SLC4A1: variants seen among roughly 807,000 people sequenced by gnomAD.
SLC4A1 encodes the protein solute carrier family 4 member 1 (Diego blood group).
In SLC4A1, 29 loss-of-function variants were observed where a neutral mutation model predicts 93.1. The ratio of observed to expected loss-of-function variants is 0.31; its 90% CI spans 0.23 to 0.42. The LOEUF (loss-of-function observed/expected upper bound fraction) is 0.42, where lower values mean the gene tolerates loss of function less well. Ranked by LOEUF, SLC4A1 falls within the 20% of genes least tolerant of loss-of-function variation. SLC4A1 has a pLI of 1.00. For missense variants in SLC4A1, 965 were observed against 1,190.1 expected, an observed-to-expected ratio of 0.81 and a Z score of 2.78; for synonymous variants, 469 against 497.2, an observed-to-expected ratio of 0.94 and a Z score of 0.76.
At chr17:44,254,871 A>AT (rs993171323) in intron 15 of SLC4A1, among the ~76,000 whole-genome samples, 25 of 152,192 alleles carry the variant, frequency 1.6e-4, no homozygotes, top group Admixed American at 2.0e-4. Context: ...AGGAAAGAGA[A>AT]TCAGAGAGGT....
At chr17:44,255,547 G>A in intron 14 of SLC4A1, 126 bp downstream of exon 14, 2 of 1,039,700 alleles carry the variant, frequency 1.9e-6, no homozygotes, top group Non-Finnish European at 3.0e-6. Context: ...GGCCAGGGGA[G>A]GTTGGAATTG....
Position 44,259,566 on chromosome 17 carries a change from C to T in SLC4A1, c.625G>A (p.Glu209Lys). 6.2e-7 allele frequency: 1 copy of T among 1,614,010 alleles called. No homozygotes were observed. Among genetic ancestry groups the T allele is most frequent in the East Asian group, 2.2e-5 (1 of 44,872 alleles). Residue 209 changes from glutamate (E) to lysine (K), a missense_variant, in exon 8 of 20, where the codon GAA (glutamate) becomes AAA (lysine). Coordinates refer to ENST00000262418, the MANE Select transcript of SLC4A1 (RefSeq NM_000342.4). ...LFCEQGDGGTEGHSPSGILEK... is the reference protein window; with the variant it reads ...LFCEQGDGGTKGHSPSGILEK... ...AGAATTCCAGATGGTGAGTGCCCTT[C>T]TGTGCCCCCATCTCCCTGTGGGAAG...
intron 18 of SLC4A1, 26 bp downstream of exon 18, chr17:44,251,393 T>A (rs1312593605): frequency 1.2e-6 from 2 of 1,614,088 alleles, no homozygotes; most frequent in Non-Finnish European, 1.7e-6. Context: ...CACCCCAGGC[T>A]GGGCAGCCAG....
intron 17 of SLC4A1, 67 bp from the exon 18 acceptor site, chr17:44,251,655 C>T (rs2144597565): frequency 1.4e-6 from 2 of 1,476,388 alleles, no homozygotes; most frequent in East Asian, 2.3e-5. Context: ...GGGTCAGGCC[C>T]CTATCTGGGG....
At chr17:44,267,785 G>A (rs529259432) in intron 1 of SLC4A1, among the ~76,000 whole-genome samples, 2 of 152,192 alleles carry the variant, frequency 1.3e-5, no homozygotes, top group South Asian at 4.1e-4. Flanking sequence ...CATACCTGGA[G>A]GGGATCAGAT....
Position 44,258,206 on chromosome 17 carries a change from C to A in SLC4A1, c.1088-26G>T. On this transcript the variant is annotated intron_variant, in intron 10 of 19. Coordinates refer to ENST00000262418, the MANE Select transcript of SLC4A1 (RefSeq NM_000342.4). The surrounding 1 kb of genome is among the most constrained non-coding windows in gnomAD (Gnocchi z 6.1). ...CTGTGGTGGAGGATAAGAGCATGGT[C>A]AGAGGGAGTAGCTGGAGGAGGTGAG... 6.2e-7 allele frequency: 1 copy of A among 1,609,376 alleles called. No individual in the cohort carries two copies. The highest frequency in any genetic ancestry group is 1.1e-5 in the South Asian group (1 of 90,932).
In SLC4A1 at chr17:44,259,275, G is replaced by A. The variant is rs773761086; in HGVS notation, c.764C>T (p.Ala255Val). 1.7e-5 allele frequency: 27 copies of A among 1,613,942 alleles called. No individual in the cohort carries two copies. The highest frequency in any genetic ancestry group is 2.2e-5 in the Non-Finnish European group (26 of 1,180,028). The change falls in exon 9 of 20, where the codon GCG (alanine) becomes GTG (valine). Residue 255 changes from alanine (A) to valine (V), a missense_variant. Coordinates refer to ENST00000262418, the MANE Select transcript of SLC4A1 (RefSeq NM_000342.4). Reference sequence around the variant, plus strand: ...GCGTATAGGCACCGGCAGCTCCACCGCCTCCAGCTCCGCTGCCTCCTGCAG... The same window carrying A: ...GCGTATAGGCACCGGCAGCTCCACCACCTCCAGCTCCGCTGCCTCCTGCAG... The part of the protein sequence containing the change: ...VRLQEAAELE[A>V]VELPVPIRFL...
Position 44,254,721 on chromosome 17 carries a change from G to A in SLC4A1, c.1891-59C>T, listed in dbSNP as rs1016374377. ...GGCAGGAGGATGGGGAAGGGTGGGAGCAGGAGGAGCCAGGGTCCTAGGGGT... is the reference window on the plus strand; with the variant it reads ...GGCAGGAGGATGGGGAAGGGTGGGAACAGGAGGAGCCAGGGTCCTAGGGGT... On this transcript the variant is annotated intron_variant, in intron 15 of 19. Transcript: ENST00000262418. 4 of 1,552,254 alleles carry A rather than the reference G, an allele frequency of 2.6e-6. No homozygotes were observed. The Admixed American group carries it at 5.2e-5, about 20-fold the overall frequency.
rs980614952 is a variant in SLC4A1 at position 44,249,445 on chromosome 17, C to A, written c.*1013G>T. On this transcript the variant is annotated 3_prime_UTR_variant, in exon 20 of 20. Transcript: ENST00000262418. ...AAATACGCAATTAATAAATTACAAACCCCCTCACTCTCCCGCCCCTACCTT... is the reference window on the plus strand; with the variant it reads ...AAATACGCAATTAATAAATTACAAAACCCCTCACTCTCCCGCCCCTACCTT... The A allele has an allele frequency of 1.1e-5, 3 of 273,046 alleles. No homozygotes were observed. The highest frequency in any genetic ancestry group is 2.4e-5 in the African/African-American group (1 of 42,338). The allele number at this position is 273,046 out of a possible 1,614,324, so 16.9% of individuals were successfully genotyped here.
At chr17:44,262,584 C>G (rs55657811) in intron 3 of SLC4A1, 52 bp downstream of exon 3, 346 of 1,402,720 alleles carry the variant, frequency 2.5e-4, no homozygotes, top group Admixed American at 2.8e-4. Flanking sequence ...CCCTCCTGTC[C>G]CTGTCTAGGG....
intron 3 of SLC4A1, 100 bp from the exon 4 acceptor site, chr17:44,261,736 C>T: frequency 5.6e-6 from 9 of 1,601,060 alleles, no homozygotes; most frequent in South Asian, 1.1e-5. Flanking sequence ...GGGCAGATGC[C>T]CCTCCTTCCC....
intron 3 of SLC4A1, among the ~76,000 whole-genome samples, chr17:44,262,404 C>T (rs1399811325): frequency 2.6e-5 from 4 of 152,240 alleles, no homozygotes; most frequent in Non-Finnish European, 5.9e-5. Context: ...GGCTGCCCGC[C>T]CTTCTCACAT....
At chr17:44,266,921 C>A (rs1050995462) in intron 1 of SLC4A1, among the ~76,000 whole-genome samples, 2 of 152,194 alleles carry the variant, frequency 1.3e-5, no homozygotes, top group Admixed American at 1.3e-4. Flanking sequence ...ATGGCACCAC[C>A]TTTGTGTAAT....
chr17:44,267,119 T>A (rs2047502010), intron 1 of SLC4A1, among the ~76,000 whole-genome samples: 1 of 152,196 alleles, frequency 6.6e-6, no homozygotes, highest in African/African-American at 2.4e-5. Context: ...AGAGCCAGGT[T>A]ACAGCCTGGA....
At chr17:44,260,576 C>T in intron 5 of SLC4A1, 37 bp from the exon 6 acceptor site, 1 of 1,614,156 alleles carries the variant, frequency 6.2e-7, no homozygotes, top group Non-Finnish European at 8.5e-7. Flanking sequence ...TAGGCTGGGC[C>T]ACAGCACCCC....
chr17:44,257,773 C>T lies in SLC4A1; in HGVS notation c.1317G>A (p.Glu439=), dbSNP rs1287703923. The T allele has an allele frequency of 3.1e-6, 5 of 1,613,888 alleles. No homozygotes were observed. The highest frequency in any genetic ancestry group is 4.2e-6 in the Non-Finnish European group (5 of 1,180,050). ...CCTGCACTGCAGTGGAGATCAGCAGCTCCGACACTCCCATCTGGTTCCGGG... is the reference window on the plus strand; with the variant it reads ...CCTGCACTGCAGTGGAGATCAGCAGTTCCGACACTCCCATCTGGTTCCGGG... ...EKTRNQMGVS[E]LLISTAVQGI... The change falls in exon 12 of 20, where the codon GAG becomes GAA. Residue 439 remains glutamate, a synonymous_variant. Coordinates refer to ENST00000262418, the MANE Select transcript of SLC4A1 (RefSeq NM_000342.4).
At chr17:44,257,230 G>T (rs2047396982) in intron 13 of SLC4A1, 120 bp downstream of exon 13, 2 of 924,048 alleles carry the variant, frequency 2.2e-6, no homozygotes, top group Non-Finnish European at 1.8e-6. Flanking sequence ...GATCTCGGGT[G>T]ATCCACCTGC....
chr17:44,251,368 C>T, intron 18 of SLC4A1, 36 bp from the exon 19 acceptor site: 1 of 1,614,190 alleles, frequency 6.2e-7, no homozygotes, highest in African/African-American at 1.3e-5. Flanking sequence ...CCTATCACAC[C>T]CCAGCACCCT....
intron 1 of SLC4A1, among the ~76,000 whole-genome samples, chr17:44,265,440 G>T (rs1356628192): frequency 6.6e-6 from 1 of 152,062 alleles, no homozygotes; most frequent in Non-Finnish European, 1.5e-5. Flanking sequence ...CGCGATCTTG[G>T]CTCACTGCAA....
Sources: gnomAD v4.1 joint callset for allele counts (sites outside exome capture counted in the v4.1 genomes callset) on GRCh38, gnomAD v4.1.1 for gene constraint, Gnocchi (gnomAD v3.1) non-coding constraint, MANE v1.5 for transcripts, NCBI Gene and HGNC (gene_info 2026-07-23, HGNC 2026-07-21) for gene names.